SPOCK1: variants seen among roughly 807,000 people sequenced by gnomAD.
The protein encoded by SPOCK1 is testican-1.
SPOCK1 carries 23 observed loss-of-function variants against 55.3 expected under a neutral mutation model. The observed-to-expected ratio is 0.42, with a 90% CI of 0.30 to 0.59. The LOEUF (loss-of-function observed/expected upper bound fraction) is 0.59. Ranked by LOEUF, SPOCK1 falls within the 20% of genes least tolerant of loss-of-function variation. The pLI, the probability that SPOCK1 is intolerant of heterozygous loss-of-function variation, is 0.22. For synonymous variants in SPOCK1, 226 were observed against 221.0 expected (o/e 1.02, Z -0.20); for missense variants, 499 against 552.5 (o/e 0.90, Z 0.97).
intron 3 of SPOCK1, among the ~76,000 whole-genome samples, chr5:137,233,143 C>A (rs570557115): frequency 6.6e-6 from 1 of 152,220 alleles, no homozygotes; most frequent in Admixed American, 6.5e-5. Context: ...TTTCCATGGA[C>A]CAGGGGAGGG....
chr5:137,440,381 C>G (rs567634693), intron 2 of SPOCK1, among the ~76,000 whole-genome samples: 1 of 152,038 alleles, frequency 6.6e-6, no homozygotes, highest in South Asian at 2.1e-4. Context: ...TTTGCATGGC[C>G]CAAGAATGTA....
At chr5:137,106,502 G>A (rs1753371710) in intron 5 of SPOCK1, among the ~76,000 whole-genome samples, 1 of 152,158 alleles carries the variant, frequency 6.6e-6, no homozygotes. Context: ...GCTGAAGACG[G>A]TGAAGAAGTC....
chr5:137,082,269 G>C (rs1247376002), intron 5 of SPOCK1, among the ~76,000 whole-genome samples: 4 of 152,214 alleles, frequency 2.6e-5, no homozygotes, highest in African/African-American at 4.8e-5. Flanking sequence ...GATGTGGGAA[G>C]GCAAATATCT....
At chr5:137,100,406 T>C (rs1002902049) in intron 5 of SPOCK1, among the ~76,000 whole-genome samples, 7 of 152,184 alleles carry the variant, frequency 4.6e-5, no homozygotes, top group Admixed American at 4.6e-4. Context: ...GTGGCTGGAC[T>C]AGATAGCTTC....
At chr5:137,178,417 T>C (rs1407867935) in intron 3 of SPOCK1, among the ~76,000 whole-genome samples, 1 of 152,252 alleles carries the variant, frequency 6.6e-6, no homozygotes, top group Non-Finnish European at 1.5e-5. Flanking sequence ...ACATTTTTGA[T>C]GTCTGGTAGG....
chr5:137,412,981 G>GAAA (rs571656051), intron 2 of SPOCK1, among the ~76,000 whole-genome samples: 12 of 142,576 alleles, frequency 8.4e-5, no homozygotes, highest in African/African-American at 2.5e-4. Flanking sequence ...GTGTTAAGTG[G>GAAA]AAAAAAAAAA....
chr5:137,350,532 T>C (rs942504018), intron 2 of SPOCK1, among the ~76,000 whole-genome samples: 5 of 152,164 alleles, frequency 3.3e-5, no homozygotes, highest in African/African-American at 1.2e-4. Flanking sequence ...CTCCCATGTC[T>C]GGCACCTGTA....
intron 2 of SPOCK1, among the ~76,000 whole-genome samples, chr5:137,497,995 T>C (rs972358986): frequency 2.7e-5 from 4 of 150,830 alleles, no homozygotes; most frequent in African/African-American, 7.3e-5. Context: ...CCCGGGGAGG[T>C]TTTCTCCGGA....
At position 137,052,067 on chromosome 5, in the gene SPOCK1, C is replaced by T. The variant is rs1752217330; in HGVS notation, c.589+15648G>A. 3.3e-5 allele frequency among the ~76,000 whole-genome samples: 5 copies of T among 152,234 alleles called. No individual in the cohort carries two copies. In the South Asian group the frequency reaches 1.0e-3, roughly 32 times the overall value. On this transcript the variant is annotated intron_variant, in intron 6 of 10. Transcript: ENST00000394945. ...GGTCTGCTCAAAAGAAAGGGGTGCCCTTCTTTGCTCTTCAATTTTTCCCAC... is the reference window on the plus strand; with the variant it reads ...GGTCTGCTCAAAAGAAAGGGGTGCCTTTCTTTGCTCTTCAATTTTTCCCAC...
rs141462483 is a variant in SPOCK1 at position 137,415,620 on chromosome 5, A to G, written c.186+82753T>C. Among the ~76,000 whole-genome samples, 549 of 152,348 alleles carry G rather than the reference A, an allele frequency of 3.6e-3. 5 individuals carry two copies. Among genetic ancestry groups the G allele is most frequent in the African/African-American group, 0.012 (516 of 41,592 alleles). On this transcript the variant is annotated intron_variant, in intron 2 of 10. Coordinates refer to ENST00000394945, the MANE Select transcript of SPOCK1 (RefSeq NM_004598.4). ...AGCACATTCCAGAAGCGTGATTCCA[A>G]TAAGCACTGAGCCAAAAAGCCACAA...
intron 2 of SPOCK1, among the ~76,000 whole-genome samples, chr5:137,269,580 T>C (rs1180820375): frequency 6.6e-6 from 1 of 152,204 alleles, no homozygotes; most frequent in East Asian, 1.9e-4. Flanking sequence ...TGATCACTCC[T>C]GCACACTGTC....
chr5:137,093,331 T>C (rs1172336051), intron 5 of SPOCK1, among the ~76,000 whole-genome samples: 2 of 152,184 alleles, frequency 1.3e-5, no homozygotes, highest in African/African-American at 4.8e-5. Flanking sequence ...CCTGGAGAGA[T>C]TCTGGACTAA....
chr5:137,002,751 A>C (rs1337105880), intron 6 of SPOCK1, among the ~76,000 whole-genome samples: 1 of 152,212 alleles, frequency 6.6e-6, no homozygotes, highest in African/African-American at 2.4e-5. Flanking sequence ...TGAGGGTGTA[A>C]AACAGGCTCA....
intron 3 of SPOCK1, among the ~76,000 whole-genome samples, chr5:137,200,266 A>G (rs1039224083): frequency 6.6e-5 from 10 of 152,126 alleles, no homozygotes; most frequent in East Asian, 1.9e-4. Context: ...CCTCTCCCCA[A>G]TGTCCCTGCC....
intron 2 of SPOCK1, among the ~76,000 whole-genome samples, chr5:137,310,871 G>A (rs555661293): frequency 6.6e-6 from 1 of 152,238 alleles, no homozygotes; most frequent in Admixed American, 6.5e-5. Context: ...CTGAACAGAA[G>A]AAAAAGCTAC....
At chr5:137,209,123 C>T (rs753164875) in intron 3 of SPOCK1, among the ~76,000 whole-genome samples, 18 of 152,110 alleles carry the variant, frequency 1.2e-4, no homozygotes, top group Non-Finnish European at 2.2e-4. Context: ...ATGTTATTTC[C>T]ACCCTTCAAC....
chr5:137,373,553 T>G (rs1354067698), intron 2 of SPOCK1, among the ~76,000 whole-genome samples: 1 of 152,160 alleles, frequency 6.6e-6, no homozygotes, highest in Non-Finnish European at 1.5e-5. Flanking sequence ...CATCGCCAAG[T>G]CCTCTGCCCT....
chr5:137,177,647 C>T (rs550184626), intron 3 of SPOCK1, among the ~76,000 whole-genome samples: 2 of 152,220 alleles, frequency 1.3e-5, no homozygotes, highest in Admixed American at 6.5e-5. Context: ...TTAAAACTCC[C>T]TTTAACATTA....
intron 2 of SPOCK1, among the ~76,000 whole-genome samples, chr5:137,319,429 A>G (rs927085269): frequency 2.6e-5 from 4 of 152,340 alleles, no homozygotes; most frequent in African/African-American, 9.6e-5. Context: ...TGTTCACTAT[A>G]AGTAACAGAT....
Sources: gnomAD v4.1 joint callset for allele counts (sites outside exome capture counted in the v4.1 genomes callset) on GRCh38, gnomAD v4.1.1 for gene constraint, MANE v1.5 for transcripts, NCBI Gene and HGNC (gene_info 2026-07-23, HGNC 2026-07-21) for gene names.